The following NAA11 variants were observed in gnomAD, a reference collection of about 807,000 sequenced individuals.
NAA11 encodes the protein N-alpha-acetyltransferase 11.
In NAA11, 15 loss-of-function variants were observed where a neutral mutation model predicts 16.1. The ratio of observed to expected loss-of-function variants is 0.93; its 90% CI spans 0.62 to 1.44. The LOEUF is 1.44. NAA11 is among the 40% of genes most tolerant of loss of function. The pLI is 0.00. For missense variants in NAA11, 298 were observed against 291.3 expected (o/e 1.02, Z -0.17); for synonymous variants, 122 against 112.4 (o/e 1.09, Z -0.54).
At chr4:79,246,402 A>AAAG (rs1721834421) in intron 2 of NAA11, among the ~76,000 whole-genome samples, 1 of 34,644 alleles carries the variant, frequency 2.9e-5, no homozygotes, top group Non-Finnish European at 6.0e-5. Context: ...AAAAAAAAGA[A>AAAG]AAAATAAGAA....
chr4:79,171,049 C>G, the NAA11 span, among the ~76,000 whole-genome samples: 1 of 152,106 alleles, frequency 6.6e-6, no homozygotes, highest in Non-Finnish European at 1.5e-5. Flanking sequence ...TAACATAGTG[C>G]TTGGCCCTGG....
chr4:79,180,017 A>C, the NAA11 span, among the ~76,000 whole-genome samples: 1 of 152,096 alleles, frequency 6.6e-6, no homozygotes, highest in African/African-American at 2.4e-5. Flanking sequence ...CTATCACGAA[A>C]ACAGCATGGG....
At chr4:79,324,071 C>T (rs1465742504) in intron 1 of NAA11, among the ~76,000 whole-genome samples, 2 of 151,664 alleles carry the variant, frequency 1.3e-5, no homozygotes, top group African/African-American at 2.4e-5. Context: ...TTCACACATT[C>T]GAAAGAGTAA....
intron 2 of NAA11, among the ~76,000 whole-genome samples, chr4:79,265,100 G>C (rs1722315600): frequency 6.6e-6 from 1 of 152,086 alleles, no homozygotes; most frequent in South Asian, 2.1e-4. Context: ...CTCCCAGTTG[G>C]TCGGATAAAG....
chr4:79,315,588 G>T (rs934954179), downstream of NAA11, among the ~76,000 whole-genome samples: 1 of 152,056 alleles, frequency 6.6e-6, no homozygotes, highest in Non-Finnish European at 1.5e-5. Context: ...GCTAGTATAA[G>T]GGTATTCACA....
chr4:79,173,304 G>T, the NAA11 span, among the ~76,000 whole-genome samples: 1 of 152,026 alleles, frequency 6.6e-6, no homozygotes, highest in Admixed American at 6.6e-5. Context: ...TGTTGAACTA[G>T]ATTCTATATG....
intron 1 of NAA11, among the ~76,000 whole-genome samples, chr4:79,301,946 G>A (rs1723397612): frequency 6.6e-6 from 1 of 152,106 alleles, no homozygotes; most frequent in Non-Finnish European, 1.5e-5. Flanking sequence ...AAAAATGATG[G>A]ATGCTAAAAT....
chr4:79,274,286 A>G (rs999549148), intron 2 of NAA11, among the ~76,000 whole-genome samples: 1 of 152,070 alleles, frequency 6.6e-6, no homozygotes, highest in Admixed American at 6.6e-5. Flanking sequence ...ACACTGCATT[A>G]TGGGCTGATG....
the NAA11 span, among the ~76,000 whole-genome samples, chr4:79,177,130 G>A: frequency 6.6e-6 from 1 of 151,958 alleles, no homozygotes; most frequent in African/African-American, 2.4e-5. Flanking sequence ...CACTCTATAT[G>A]TATATGTGTG....
intron 2 of NAA11, among the ~76,000 whole-genome samples, chr4:79,231,413 C>T (rs1298127659): frequency 6.6e-6 from 1 of 151,838 alleles, no homozygotes; most frequent in Non-Finnish European, 1.5e-5. Flanking sequence ...CACTGGAAAA[C>T]CTCAGAATTT....
intron 2 of NAA11, among the ~76,000 whole-genome samples, chr4:79,272,277 G>C (rs1372817508): frequency 1.3e-5 from 2 of 151,968 alleles, no homozygotes; most frequent in Non-Finnish European, 2.9e-5. Flanking sequence ...GTTGTGAAAA[G>C]AGAATTTGTA....
At chr4:79,183,224 C>T in the NAA11 span, among the ~76,000 whole-genome samples, 1 of 152,058 alleles carries the variant, frequency 6.6e-6, no homozygotes, top group African/African-American at 2.4e-5. Context: ...AACTTCTACC[C>T]TCTCCCTACT....
chr4:79,260,065 C>A (rs1219700713), intron 2 of NAA11, among the ~76,000 whole-genome samples: 1 of 152,188 alleles, frequency 6.6e-6, no homozygotes, highest in Non-Finnish European at 1.5e-5. Context: ...CAAAATTCTT[C>A]ACAGTTTTAT....
chr4:79,238,943 G>C (rs1203936134), intron 2 of NAA11, among the ~76,000 whole-genome samples: 2 of 152,180 alleles, frequency 1.3e-5, no homozygotes, highest in Non-Finnish European at 2.9e-5. Flanking sequence ...GGGAAATCCA[G>C]GTCATACTTC....
At chr4:79,220,850 G>C (rs542538931), downstream of NAA11, among the ~76,000 whole-genome samples, 1 of 152,148 alleles carries the variant, frequency 6.6e-6, no homozygotes, top group East Asian at 1.9e-4. Flanking sequence ...TTGACTTGGC[G>C]ATGTGGGCTC....
Position 79,325,592 on chromosome 4 carries a change from T to C in NAA11, c.286A>G (p.Arg96Gly). 3 of 1,614,064 alleles carry C rather than the reference T, an allele frequency of 1.9e-6. No homozygotes were observed. Among genetic ancestry groups the C allele is most frequent in the Non-Finnish European group, 2.5e-6 (3 of 1,179,950 alleles). ...GCGTTAAAGTTCTCTATCATGGCCC[T>C]GGAGGCCTGGTCCATCAGCTTCTGG... is the stretch of plus-strand genomic sequence containing the variant. ...LAQKLMDQASRAMIENFNAKY... is the reference protein window; with the variant it reads ...LAQKLMDQASGAMIENFNAKY... The change falls in exon 1 of 2, where the codon AGG (arginine) becomes GGG (glycine). Residue 96 changes from arginine to glycine, a missense_variant. Arg to Gly is a moderately radical substitution (Grantham distance 125, BLOSUM62 -2). Coordinates refer to ENST00000286794, the MANE Select transcript of NAA11 (RefSeq NM_032693.3).
At chr4:79,206,628 A>G in the NAA11 span, among the ~76,000 whole-genome samples, 83 of 152,174 alleles carry the variant, frequency 5.5e-4, no homozygotes, top group African/African-American at 1.9e-3. Context: ...TCCACAAGTT[A>G]CTTCCTCCTT....
chr4:79,312,723 C>G (rs1354964883), downstream of NAA11, among the ~76,000 whole-genome samples: 1 of 150,114 alleles, frequency 6.7e-6, no homozygotes, highest in East Asian at 2.0e-4. Context: ...CTCCTGGCCT[C>G]AAGAGATCTT....
intron 2 of NAA11, among the ~76,000 whole-genome samples, chr4:79,242,568 C>T (rs1214364460): frequency 6.6e-6 from 1 of 152,192 alleles, no homozygotes; most frequent in Non-Finnish European, 1.5e-5. Flanking sequence ...TCTTCCTCTG[C>T]CCTGGTCCTC....
Sources: allele counts gnomAD v4.1 joint callset (sites outside exome capture counted in the v4.1 genomes callset), GRCh38; gene constraint gnomAD v4.1.1; transcripts MANE v1.5; gene names NCBI Gene and HGNC (gene_info 2026-07-23, HGNC 2026-07-21).